Variants in KCNIP1 observed in about 807,000 individuals in gnomAD.
The protein encoded by KCNIP1 is potassium voltage-gated channel interacting protein 1, also known as A-type potassium channel modulatory protein KCNIP1.
In KCNIP1, 18 loss-of-function variants were observed where a neutral mutation model predicts 33.0. That is an observed-to-expected ratio of 0.55 (90% confidence interval 0.38 to 0.81). KCNIP1 has a LOEUF of 0.81. Among genes scored for constraint, KCNIP1 ranks in the 30% least tolerant of loss-of-function variants. The pLI is 0.00. For synonymous variants in KCNIP1, 93 were observed against 98.3 expected (o/e 0.95, Z 0.32); for missense variants, 238 against 271.6 (o/e 0.88, Z 0.87).
At chr5:170,433,171 T>G (rs867558877) in intron 1 of KCNIP1, among the ~76,000 whole-genome samples, 97 of 152,178 alleles carry the variant, frequency 6.4e-4, no homozygotes, top group African/African-American at 2.2e-3. Context: ...GCCGATGTTT[T>G]TGTTTCTTTT....
At chr5:170,382,492 C>T (rs1764281485) in intron 1 of KCNIP1, among the ~76,000 whole-genome samples, 3 of 152,164 alleles carry the variant, frequency 2.0e-5, no homozygotes, top group African/African-American at 7.2e-5. Flanking sequence ...TACACCCCAT[C>T]ATGGGTCATT....
At chr5:170,621,692 A>G (rs1759609216) in intron 1 of KCNIP1, among the ~76,000 whole-genome samples, 1 of 152,102 alleles carries the variant, frequency 6.6e-6, no homozygotes, top group African/African-American at 2.4e-5. Context: ...AATTTTTTGT[A>G]GAGACAGGGT....
chr5:170,547,480 A>C lies in KCNIP1; in HGVS notation c.61+42847A>C, dbSNP rs115022157. Among the ~76,000 whole-genome samples, 707 of 152,244 alleles carry C rather than the reference A, an allele frequency of 4.6e-3. 6 individuals carry two copies. Among genetic ancestry groups the C allele is most frequent in the African/African-American group, 0.016 (663 of 41,540 alleles). On this transcript the variant is annotated intron_variant, in intron 1 of 7. Transcript: ENST00000328939. ...TTGAACAGATTATTTCATCATCCAC[A>C]TATTAAGCTTAGTATCCATTAGTTA...
At chr5:170,444,061 T>A (rs370052621) in intron 1 of KCNIP1, among the ~76,000 whole-genome samples, 103 of 152,390 alleles carry the variant, frequency 6.8e-4, no homozygotes, top group African/African-American at 2.3e-3. Flanking sequence ...ACTTTAAGTA[T>A]GCAGATGTGG....
intron 1 of KCNIP1, among the ~76,000 whole-genome samples, chr5:170,607,131 G>A (rs573135208): frequency 2.7e-4 from 41 of 152,304 alleles, no homozygotes; most frequent in Admixed American, 1.9e-3. Flanking sequence ...CGTCTGTCGC[G>A]CTTCTGTTGG....
chr5:170,471,924 C>T (rs1756737630), intron 1 of KCNIP1, among the ~76,000 whole-genome samples: 1 of 152,204 alleles, frequency 6.6e-6, no homozygotes, highest in African/African-American at 2.4e-5. Flanking sequence ...TTTTTCACAT[C>T]TCCGTCAGAG....
At chr5:170,355,463 A>G (rs1034397407) in intron 1 of KCNIP1, among the ~76,000 whole-genome samples, 13 of 152,206 alleles carry the variant, frequency 8.5e-5, no homozygotes, top group Admixed American at 6.5e-5. Context: ...AACCCATTGC[A>G]GCCTCTCATG....
At chr5:170,537,490 C>G (rs1011237189) in intron 1 of KCNIP1, among the ~76,000 whole-genome samples, 5 of 152,202 alleles carry the variant, frequency 3.3e-5, no homozygotes, top group Admixed American at 1.3e-4. Context: ...CTCCTCACCC[C>G]CTTTGTTCCT....
intron 1 of KCNIP1, among the ~76,000 whole-genome samples, chr5:170,645,359 C>T (rs1226667027): frequency 2.0e-5 from 3 of 152,148 alleles, no homozygotes; most frequent in African/African-American, 7.2e-5. Context: ...ACTTAAGGAA[C>T]ATTGTTAGGG....
At chr5:170,559,392 G>A (rs760429923) in intron 1 of KCNIP1, among the ~76,000 whole-genome samples, 68 of 151,982 alleles carry the variant, frequency 4.5e-4, no homozygotes, top group Non-Finnish European at 5.0e-4. Context: ...TCTAGCATAC[G>A]AACTGTTTGC....
chr5:170,491,882 G>C (rs1490976415), intron 1 of KCNIP1, among the ~76,000 whole-genome samples: 2 of 152,146 alleles, frequency 1.3e-5, no homozygotes, highest in African/African-American at 2.4e-5. Context: ...GTGAAAATAG[G>C]GCCCAGCTCG....
At chr5:170,394,388 C>T (rs887499769) in intron 1 of KCNIP1, among the ~76,000 whole-genome samples, 3 of 152,336 alleles carry the variant, frequency 2.0e-5, no homozygotes, top group Middle Eastern at 3.4e-3. Flanking sequence ...GGGACTGGAA[C>T]CGTTCTTATT....
At chr5:170,567,975 C>T (rs972652685) in intron 1 of KCNIP1, among the ~76,000 whole-genome samples, 8 of 152,312 alleles carry the variant, frequency 5.3e-5, no homozygotes, top group African/African-American at 1.7e-4. Context: ...GTGTGGAGCA[C>T]GGGCTACGGA....
At chr5:170,528,773 A>G (rs1755678072) in intron 1 of KCNIP1, among the ~76,000 whole-genome samples, 1 of 152,136 alleles carries the variant, frequency 6.6e-6, no homozygotes, top group Non-Finnish European at 1.5e-5. Flanking sequence ...TGGACTTTAG[A>G]CCATTTTTCA....
intron 1 of KCNIP1, among the ~76,000 whole-genome samples, chr5:170,628,532 A>G (rs1351711855): frequency 6.6e-6 from 1 of 152,180 alleles, no homozygotes; most frequent in Admixed American, 6.5e-5. Flanking sequence ...TGTGCCCTAC[A>G]AGCCCCAGTG....
At chr5:170,356,025 T>C (rs1763337855) in intron 1 of KCNIP1, among the ~76,000 whole-genome samples, 1 of 152,218 alleles carries the variant, frequency 6.6e-6, no homozygotes, top group African/African-American at 2.4e-5. Context: ...TCCAGGTGTT[T>C]GCTAAATATT....
chr5:170,357,075 A>G (rs556889603), intron 1 of KCNIP1, among the ~76,000 whole-genome samples: 33 of 151,486 alleles, frequency 2.2e-4, no homozygotes, highest in Middle Eastern at 3.4e-3. Flanking sequence ...CTCTGGCTCT[A>G]TTTTTATTTG....
intron 1 of KCNIP1, among the ~76,000 whole-genome samples, chr5:170,533,659 G>A (rs757477729): frequency 1.3e-5 from 2 of 152,184 alleles, no homozygotes; most frequent in Non-Finnish European, 2.9e-5. Context: ...CTCTTCAAAA[G>A]GGATCTAATA....
intron 1 of KCNIP1, among the ~76,000 whole-genome samples, chr5:170,615,803 A>G (rs1759346735): frequency 6.6e-6 from 1 of 152,222 alleles, no homozygotes; most frequent in Non-Finnish European, 1.5e-5. Flanking sequence ...ACTAATACTA[A>G]TAGTACTTAC....
Sources: gnomAD v4.1 joint callset for allele counts (sites outside exome capture counted in the v4.1 genomes callset) on GRCh38, gnomAD v4.1.1 for gene constraint, MANE v1.5 for transcripts, NCBI Gene and HGNC (gene_info 2026-07-23, HGNC 2026-07-21) for gene names.